The following WDR47 variants were observed in gnomAD, a reference collection of about 807,000 sequenced individuals.
The protein encoded by WDR47 is WD repeat domain 47.
In WDR47, 32 loss-of-function variants were observed where a neutral mutation model predicts 97.2. That is an observed-to-expected ratio of 0.33 (90% CI 0.25 to 0.44). WDR47 has a LOEUF of 0.44. Ranked by LOEUF, WDR47 falls within the 20% of genes least tolerant of loss-of-function variation. The probability of loss-of-function intolerance (pLI) is 1.00; values close to 1 mark genes in which losing one functional copy is unlikely to be tolerated. For synonymous variants in WDR47, 375 were observed against 373.5 expected (o/e 1.00, Z -0.05); for missense variants, 782 against 1,102.3 (o/e 0.71, Z 4.11).
At chr1:108,998,855 A>T (rs1659950251) in intron 7 of WDR47, among the ~76,000 whole-genome samples, 1 of 152,224 alleles carries the variant, frequency 6.6e-6, no homozygotes, top group South Asian at 2.1e-4. Context: ...TTCTATCTCC[A>T]TTCAATTTGT....
At chr1:109,007,762 C>A (rs986430354) in intron 5 of WDR47, among the ~76,000 whole-genome samples, 3 of 152,192 alleles carry the variant, frequency 2.0e-5, no homozygotes, top group African/African-American at 4.8e-5. Flanking sequence ...CAAGGTCACA[C>A]AGCCAATAAA....
chr1:109,004,256 C>T, intron 6 of WDR47, among the ~76,000 whole-genome samples: 1 of 150,830 alleles, frequency 6.6e-6, no homozygotes, highest in Non-Finnish European at 1.5e-5. Flanking sequence ...CAGAACAAGA[C>T]TCCGTCTCAA....
intron 8 of WDR47, 110 bp from the exon 9 acceptor site, chr1:108,991,439 A>G (rs1037520247): frequency 2.4e-6 from 2 of 838,634 alleles, no homozygotes; most frequent in East Asian, 2.6e-5. Context: ...ATCCTAGCTG[A>G]CTCCAAAGTT....
At chr1:108,982,860 A>C in intron 11 of WDR47, 81 bp from the exon 12 acceptor site, 1 of 1,408,532 alleles carries the variant, frequency 7.1e-7, no homozygotes, top group Non-Finnish European at 9.6e-7. Flanking sequence ...CTACCTCAAA[A>C]CTGGTCAAGA....
chr1:109,005,739 C>G (rs1368407341), intron 5 of WDR47, among the ~76,000 whole-genome samples: 1 of 151,184 alleles, frequency 6.6e-6, no homozygotes, highest in Non-Finnish European at 1.5e-5. Context: ...GGGCGTGGTA[C>G]GCGCCTGTAG....
intron 5 of WDR47, among the ~76,000 whole-genome samples, chr1:109,008,902 C>T (rs1214497710): frequency 6.6e-6 from 1 of 152,124 alleles, no homozygotes; most frequent in Non-Finnish European, 1.5e-5. Flanking sequence ...GCCACCGCAC[C>T]CAGTTCACCT....
chr1:109,013,289 G>A (rs1489290704), intron 4 of WDR47, among the ~76,000 whole-genome samples: 2 of 152,008 alleles, frequency 1.3e-5, no homozygotes, highest in African/African-American at 4.8e-5. Flanking sequence ...GTTATAGCAG[G>A]TCAAATGGAC....
chr1:109,007,291 A>G (rs1380874621), intron 5 of WDR47, among the ~76,000 whole-genome samples: 1 of 151,798 alleles, frequency 6.6e-6, no homozygotes, highest in African/African-American at 2.4e-5. Context: ...CATACTTAGC[A>G]TACTTGGTCT....
chr1:109,012,590 A>AAC (rs1553233815), intron 4 of WDR47, among the ~76,000 whole-genome samples: 3 of 150,954 alleles, frequency 2.0e-5, no homozygotes, highest in African/African-American at 4.9e-5. Context: ...AAAAAAAAAA[A>AAC]CAGAAAGGGA....
chr1:109,006,250 C>T (rs1423082943), intron 5 of WDR47, among the ~76,000 whole-genome samples: 3 of 151,922 alleles, frequency 2.0e-5, no homozygotes, highest in Admixed American at 6.6e-5. Context: ...CAAAATTAGC[C>T]GGCATGGTGG....
chr1:109,037,329 A>G lies in WDR47; in HGVS notation c.-10+4533T>C, dbSNP rs571970775. The stretch of plus-strand genomic sequence containing the variant: ...GGGCAACAAGAGCAAAACTCCGTCT[A>G]AAAAAAAAAAAACAAAAAACAAAAC... On this transcript the variant is annotated intron_variant, in intron 1 of 14. Coordinates refer to ENST00000369962, the MANE Select transcript of WDR47 (RefSeq NM_001142551.2). 2.4e-4 allele frequency among the ~76,000 whole-genome samples: 23 copies of G among 95,342 alleles called. No individual in the cohort carries two copies. The East Asian group carries it at 5.5e-3, about 23-fold the overall frequency. 62.5% of individuals were successfully genotyped at this position (95,342 alleles called of 152,430 possible).
chr1:109,002,422 A>AT lies in WDR47; in HGVS notation c.1255-21_1255-20insA. On this transcript the variant is annotated intron_variant, in intron 6 of 14. Transcript: ENST00000369962. Reference sequence around the variant, plus strand: ...TCGAAGCTTAAAAACATTAGAAAAAAACATATATATTTGAGCAAACTATGA... The same window carrying AT: ...TCGAAGCTTAAAAACATTAGAAAAAATACATATATATTTGAGCAAACTATGA... 6.4e-7 allele frequency: 1 copy of AT among 1,551,708 alleles called. No homozygotes were observed. The highest frequency in any genetic ancestry group is 8.7e-7 in the Non-Finnish European group (1 of 1,150,626).
At chr1:109,010,096 T>C (rs1219062622) in intron 5 of WDR47, among the ~76,000 whole-genome samples, 1 of 152,204 alleles carries the variant, frequency 6.6e-6, no homozygotes, top group Non-Finnish European at 1.5e-5. Context: ...ATACTATTAC[T>C]CTTCTATATT....
At chr1:108,977,120 G>A (rs1040669813) in intron 13 of WDR47, among the ~76,000 whole-genome samples, 1 of 152,140 alleles carries the variant, frequency 6.6e-6, no homozygotes, top group African/African-American at 2.4e-5. Flanking sequence ...TTATCCTAGA[G>A]TGGTAGCAAT....
chr1:108,992,806 G>T, intron 8 of WDR47: 1 of 1,589,446 alleles, frequency 6.3e-7, no homozygotes, highest in Non-Finnish European at 8.5e-7. Context: ...AGAAGAAACT[G>T]AAGAAACAAA....
At chr1:109,020,926 G>A (rs557903676) in intron 2 of WDR47, among the ~76,000 whole-genome samples, 6 of 141,944 alleles carry the variant, frequency 4.2e-5, no homozygotes, top group Non-Finnish European at 9.0e-5. Context: ...CCTTCTTGTC[G>A]CCCAAGCTGG....
chr1:109,039,719 C>A (rs1663213004), intron 1 of WDR47, among the ~76,000 whole-genome samples: 1 of 151,962 alleles, frequency 6.6e-6, no homozygotes. Context: ...AGTCTGAAGA[C>A]CTGGGTTCAA....
chr1:109,015,314 TA>T (rs1480359786), intron 3 of WDR47, among the ~76,000 whole-genome samples: 2 of 152,166 alleles, frequency 1.3e-5, no homozygotes, highest in African/African-American at 4.8e-5. Context: ...TGATTTTATT[TA>T]TTTGTTTGTT....
intron 7 of WDR47, among the ~76,000 whole-genome samples, chr1:108,997,084 C>G (rs1659802717): frequency 6.6e-6 from 1 of 151,390 alleles, no homozygotes; most frequent in South Asian, 2.1e-4. Flanking sequence ...CCACTGCACT[C>G]CAGCCTGGGC....
Sources: gnomAD v4.1 joint callset for allele counts (sites outside exome capture counted in the v4.1 genomes callset) on GRCh38, gnomAD v4.1.1 for gene constraint, MANE v1.5 for transcripts, NCBI Gene and HGNC (gene_info 2026-07-23, HGNC 2026-07-21) for gene names.